Variants in PSMB7 observed in about 807,000 individuals in gnomAD.
PSMB7 encodes the protein proteasome 20S subunit beta 7.
PSMB7 carries 5 observed loss-of-function variants against 28.1 expected under a neutral mutation model. The observed-to-expected ratio is 0.18, with a 90% CI of 0.09 to 0.37. The LOEUF is 0.37. Among genes scored for constraint, PSMB7 ranks in the 10% least tolerant of loss-of-function variants. The probability of loss-of-function intolerance (pLI) is 1.00; values close to 1 mark genes in which losing one functional copy is unlikely to be tolerated. For missense variants in PSMB7, 275 were observed against 346.2 expected, an observed-to-expected ratio of 0.79 and a Z score of 1.63; for synonymous variants, 122 against 123.7, an observed-to-expected ratio of 0.99 and a Z score of 0.09.
At position 124,404,760 on chromosome 9, in the gene PSMB7, G is replaced by A. The variant is rs191745991; in HGVS notation, c.511+557C>T. The stretch of plus-strand genomic sequence containing the variant: ...TCCAGCTACTTGGGAGGCTGAGGCA[G>A]AAGAATCACTTGAACCCGGGAGACA... On this transcript the variant is annotated intron_variant, in intron 5 of 7. Coordinates refer to ENST00000259457, the MANE Select transcript of PSMB7 (RefSeq NM_002799.4). 1.2e-3 allele frequency among the ~76,000 whole-genome samples: 188 copies of A among 152,270 alleles called. 1 individual carries two copies. Among genetic ancestry groups the A allele is most frequent in the Non-Finnish European group, 1.2e-3 (83 of 68,020 alleles).
chr9:124,413,846 G>C, intron 3 of PSMB7, 62 bp downstream of exon 3: 2 of 1,199,934 alleles, frequency 1.7e-6, no homozygotes, highest in Non-Finnish European at 2.4e-6. Context: ...GCACAGGAAG[G>C]TCAATTTTTA....
chr9:124,390,087 C>T (rs751551202), intron 5 of PSMB7, among the ~76,000 whole-genome samples: 1 of 152,054 alleles, frequency 6.6e-6, no homozygotes, highest in Non-Finnish European at 1.5e-5. Flanking sequence ...AAGGTAGAGG[C>T]CTATATACAT....
chr9:124,405,247 G>C, intron 5 of PSMB7, 70 bp downstream of exon 5: 1 of 1,072,342 alleles, frequency 9.3e-7, no homozygotes, highest in Non-Finnish European at 1.4e-6. Context: ...AGAGAAAACA[G>C]ACCAGCTCTT....
chr9:124,365,314 G>A (rs1367225474), intron 6 of PSMB7, among the ~76,000 whole-genome samples: 1 of 152,182 alleles, frequency 6.6e-6, no homozygotes, highest in Admixed American at 6.5e-5. Context: ...AGATGGACAC[G>A]GGTCTCGTGG....
chr9:124,410,507 C>G (rs1475979368), intron 4 of PSMB7, among the ~76,000 whole-genome samples: 1 of 152,084 alleles, frequency 6.6e-6, no homozygotes, highest in Non-Finnish European at 1.5e-5. Context: ...AGCAAGCCAC[C>G]AGAGGGAGCT....
intron 6 of PSMB7, among the ~76,000 whole-genome samples, chr9:124,366,374 C>G (rs770044465): frequency 3.9e-5 from 6 of 152,176 alleles, no homozygotes; most frequent in Non-Finnish European, 8.8e-5. Context: ...TGCACTCCAA[C>G]CTGGGCAAGA....
intron 5 of PSMB7, among the ~76,000 whole-genome samples, chr9:124,397,741 T>C (rs1387696623): frequency 6.6e-6 from 1 of 152,268 alleles, no homozygotes; most frequent in Non-Finnish European, 1.5e-5. Flanking sequence ...TCACTTAAGC[T>C]ACAATTACAG....
intron 6 of PSMB7, among the ~76,000 whole-genome samples, chr9:124,359,138 T>C (rs1588566471): frequency 1.3e-5 from 2 of 152,382 alleles, no homozygotes; most frequent in South Asian, 2.1e-4. Flanking sequence ...CAAATTATCA[T>C]GTATGCTGTT....
At chr9:124,359,624 G>T (rs73666871) in intron 6 of PSMB7, among the ~76,000 whole-genome samples, 2,176 of 152,278 alleles carry the variant, frequency 0.014, 52 homozygotes, top group African/African-American at 0.049. Context: ...TTGGGCCGGG[G>T]GCTCCTCAGC....
intron 6 of PSMB7, among the ~76,000 whole-genome samples, chr9:124,376,688 A>G (rs1830612347): frequency 6.6e-6 from 1 of 152,230 alleles, no homozygotes. Context: ...GAAAGTGTTA[A>G]AGAATTAAAG....
chr9:124,391,388 T>A (rs1163384237), intron 5 of PSMB7, among the ~76,000 whole-genome samples: 1 of 152,190 alleles, frequency 6.6e-6, no homozygotes, highest in African/African-American at 2.4e-5. Flanking sequence ...GATTAGCAAG[T>A]AAGCCTGGGA....
At chr9:124,368,302 T>G (rs1437620903) in intron 6 of PSMB7, among the ~76,000 whole-genome samples, 1 of 152,246 alleles carries the variant, frequency 6.6e-6, no homozygotes, top group East Asian at 1.9e-4. Flanking sequence ...GTAAATTTAA[T>G]TTATAAATCA....
At chr9:124,398,976 T>C (rs1830870251) in intron 5 of PSMB7, among the ~76,000 whole-genome samples, 1 of 147,946 alleles carries the variant, frequency 6.8e-6, no homozygotes, top group Non-Finnish European at 1.5e-5. Context: ...CCCATAAATA[T>C]GCTTTAAATT....
chr9:124,364,768 C>A (rs1005456377), intron 6 of PSMB7, among the ~76,000 whole-genome samples: 1 of 152,168 alleles, frequency 6.6e-6, no homozygotes, highest in African/African-American at 2.4e-5. Context: ...AACAAAGCAG[C>A]AGCCAGCACT....
At chr9:124,406,497 CAAAAAAAAAA>C (rs772524538) in intron 4 of PSMB7, among the ~76,000 whole-genome samples, 1 of 50,506 alleles carries the variant, frequency 2.0e-5, no homozygotes. Flanking sequence ...AGAGTTGTCT[CAAAAAAAAAA>C]AAAAAAAAAA....
At position 124,353,531 on chromosome 9, in the gene PSMB7, G is replaced by T; in HGVS notation, c.*67C>A. The T allele has an allele frequency of 8.7e-7, 1 of 1,146,710 alleles. No individual in the cohort carries two copies. Among genetic ancestry groups the T allele is most frequent in the Non-Finnish European group, 1.3e-6 (1 of 760,022 alleles). 71.0% of individuals were successfully genotyped at this position (1,146,710 alleles called of 1,614,324 possible). A position where few individuals can be genotyped will look rare whatever the true frequency, so the allele number is the denominator to read the frequency against. ...TTCATTCGGCAAACACTAGCCACAT[G>T]AGTGTCTTACTGGGCCTCAATGCTC... On this transcript the variant is annotated 3_prime_UTR_variant, in exon 8 of 8. Transcript: ENST00000259457.
chr9:124,367,457 A>C (rs1830518542), intron 6 of PSMB7, among the ~76,000 whole-genome samples: 1 of 152,012 alleles, frequency 6.6e-6, no homozygotes, highest in African/African-American at 2.4e-5. Context: ...CCAGGCATAC[A>C]CAGCATTCGG....
intron 5 of PSMB7, chr9:124,396,759 G>A (rs1291038462): frequency 2.1e-6 from 1 of 470,236 alleles, no homozygotes; most frequent in Non-Finnish European, 4.4e-6. Flanking sequence ...CCTTGCCAAT[G>A]CTGCTACAAG....
intron 5 of PSMB7, among the ~76,000 whole-genome samples, chr9:124,389,247 A>T (rs780158972): frequency 2.6e-5 from 4 of 152,226 alleles, no homozygotes; most frequent in Non-Finnish European, 5.9e-5. Flanking sequence ...AACCACTGTG[A>T]TATCACAGGA....
Sources: gnomAD v4.1 joint callset for allele counts (sites outside exome capture counted in the v4.1 genomes callset) on GRCh38, gnomAD v4.1.1 for gene constraint, MANE v1.5 for transcripts, NCBI Gene and HGNC (gene_info 2026-07-23, HGNC 2026-07-21) for gene names.